ACTL8: variants seen among roughly 807,000 people sequenced by gnomAD.
The protein encoded by ACTL8 is actin-like protein 8.
ACTL8 carries 3 observed loss-of-function variants against 9.3 expected under a neutral mutation model. The observed-to-expected ratio is 0.32, with a 90% CI of 0.15 to 0.83. ACTL8 has a LOEUF of 0.83. Ranked by LOEUF, ACTL8 falls within the 40% of genes least tolerant of loss-of-function variation. The probability of loss-of-function intolerance (pLI) is 0.57; values close to 1 mark genes in which losing one functional copy is unlikely to be tolerated. For missense variants in ACTL8, 381 were observed against 492.2 expected, an observed-to-expected ratio of 0.77 and a Z score of 2.14; for synonymous variants, 224 against 205.9, an observed-to-expected ratio of 1.09 and a Z score of -0.75.
chr1:17,805,611 C>A (rs2066355233), intron 1 of ACTL8, among the ~76,000 whole-genome samples: 1 of 151,972 alleles, frequency 6.6e-6, no homozygotes, highest in African/African-American at 2.4e-5. Context: ...AAACTCCTGA[C>A]CTTGTGATCC....
intron 1 of ACTL8, among the ~76,000 whole-genome samples, chr1:17,771,623 C>G (rs139373626): frequency 6.2e-4 from 95 of 152,230 alleles, no homozygotes; most frequent in East Asian, 4.4e-3. Flanking sequence ...GGTGTGTCCT[C>G]CAGGCCCGAT....
At chr1:17,768,833 G>T (rs1215881426) in intron 1 of ACTL8, among the ~76,000 whole-genome samples, 3 of 152,180 alleles carry the variant, frequency 2.0e-5, no homozygotes, top group African/African-American at 7.2e-5. Context: ...GGAGCTGCAG[G>T]CTGAAGATGT....
chr1:17,825,574 G>GGC (rs1471571306), intron 2 of ACTL8, among the ~76,000 whole-genome samples, 193 bp from the exon 3 acceptor site: 3 of 152,120 alleles, frequency 2.0e-5, no homozygotes, highest in Non-Finnish European at 4.4e-5. Context: ...AGCTCCTGAG[G>GGC]GCAAACCCAG....
intron 1 of ACTL8, among the ~76,000 whole-genome samples, chr1:17,771,383 T>C (rs2066082261): frequency 1.3e-5 from 2 of 152,248 alleles, no homozygotes; most frequent in Non-Finnish European, 2.9e-5. Flanking sequence ...ATTTGGCCCG[T>C]GGGCCATAGT....
rs1570053727 is a variant in ACTL8 at position 17,826,588 on chromosome 1, G to A, written c.*69G>A. On this transcript the variant is annotated 3_prime_UTR_variant, in exon 3 of 3. Transcript: ENST00000375406. The surrounding 1 kb of genome is among the most constrained non-coding windows in gnomAD (Gnocchi z 4.5). ...ACGGGCGGATTAATTTTAGCAAAAT[G>A]TTCTGGGTGGGGGTAGAATGAGGTG... is the stretch of plus-strand genomic sequence containing the variant. 3.6e-6 allele frequency: 5 copies of A among 1,397,318 alleles called. No individual in the cohort carries two copies. Among genetic ancestry groups the A allele is most frequent in the Non-Finnish European group, 4.7e-6 (5 of 1,053,444 alleles). 86.6% of individuals were successfully genotyped at this position (1,397,318 alleles called of 1,614,324 possible).
intron 1 of ACTL8, among the ~76,000 whole-genome samples, chr1:17,793,036 C>T (rs1570020440): frequency 6.6e-6 from 1 of 152,288 alleles, no homozygotes; most frequent in Admixed American, 6.5e-5. Context: ...ACAGTTGGTC[C>T]CCTCCCATCC....
At chr1:17,762,190 G>T (rs1374862512) in intron 1 of ACTL8, among the ~76,000 whole-genome samples, 6 of 152,274 alleles carry the variant, frequency 3.9e-5, no homozygotes, top group African/African-American at 1.4e-4. Context: ...CCGGGACCCA[G>T]GGTGGAGACG....
At chr1:17,791,446 C>G (rs1357866257) in intron 1 of ACTL8, among the ~76,000 whole-genome samples, 1 of 152,194 alleles carries the variant, frequency 6.6e-6, no homozygotes, top group Non-Finnish European at 1.5e-5. Context: ...AGTGGAAGAT[C>G]CGGGATTTGA....
At position 17,802,424 on chromosome 1, in the gene ACTL8, C is replaced by CGTGTGTGTGT. The variant is rs72387933; in HGVS notation, c.-24-20542_-24-20533dup. Among the ~76,000 whole-genome samples, 830 of 146,686 alleles carry CGTGTGTGTGT rather than the reference C, an allele frequency of 5.7e-3. 7 individuals are homozygous for CGTGTGTGTGT. The highest frequency in any genetic ancestry group is 9.8e-3 in the African/African-American group (389 of 39,856). On this transcript the variant is annotated intron_variant, in intron 1 of 2. Transcript: ENST00000375406. ...AGCAGATCCCGGATGACTGTGCGTGCGTGTGTGTGTGTGTGTGTGTGTGTG... is the reference window on the plus strand; with the variant it reads ...AGCAGATCCCGGATGACTGTGCGTGCGTGTGTGTGTGTGTGTGTGTGTGTGTGTGTGTGTG...
intron 1 of ACTL8, among the ~76,000 whole-genome samples, chr1:17,763,271 G>A (rs566218399): frequency 1.3e-5 from 2 of 151,126 alleles, no homozygotes; most frequent in Non-Finnish European, 2.9e-5. Flanking sequence ...TGTGGGGGCT[G>A]TGTTGATGCA....
At position 17,826,617 on chromosome 1, in the gene ACTL8, T is replaced by TG. The variant is rs2053725697; in HGVS notation, c.*102dup. The TG allele has an allele frequency of 8.6e-7, 1 of 1,167,110 alleles. No homozygotes were observed. Among genetic ancestry groups the TG allele is most frequent in the Non-Finnish European group, 1.2e-6 (1 of 863,128 alleles). The allele number at this position is 1,167,110 out of a possible 1,614,324, so 72.3% of individuals were successfully genotyped here. A position where few individuals can be genotyped will look rare whatever the true frequency, so the allele number is the denominator to read the frequency against. ...TGGGTGGGGGTAGAATGAGGTGGGG[T>TG]GGGGTGAGCTGGCTTTGGAATTCTA... On this transcript the variant is annotated 3_prime_UTR_variant, in exon 3 of 3. Coordinates refer to ENST00000375406, the MANE Select transcript of ACTL8 (RefSeq NM_030812.3). This position sits in a 1 kb window ranked among gnomAD's most constrained non-coding sequence, Gnocchi z 4.5.
chr1:17,782,462 A>G (rs1025821524), intron 1 of ACTL8, among the ~76,000 whole-genome samples: 9 of 152,196 alleles, frequency 5.9e-5, no homozygotes, highest in African/African-American at 2.2e-4. Context: ...CAAAGGAGGA[A>G]AATCCCTTTA....
At chr1:17,793,603 A>G (rs556383057) in intron 1 of ACTL8, among the ~76,000 whole-genome samples, 2 of 152,094 alleles carry the variant, frequency 1.3e-5, no homozygotes, top group Non-Finnish European at 2.9e-5. Flanking sequence ...CCCTTCCCCT[A>G]CAGCTTTTCC....
chr1:17,777,503 G>A (rs571490830), intron 1 of ACTL8, among the ~76,000 whole-genome samples: 25 of 152,298 alleles, frequency 1.6e-4, no homozygotes, highest in Non-Finnish European at 3.2e-4. Context: ...GCCGGTGATA[G>A]CAGGTGTGAG....
rs1435324367 is a variant in ACTL8, at chr1:17,826,275, C to G, written c.857C>G (p.Ser286Cys). 5.0e-6 allele frequency: 8 copies of G among 1,611,240 alleles called. No homozygotes were observed. The highest frequency in any genetic ancestry group is 6.8e-6 in the Non-Finnish European group (8 of 1,177,930). Residue 286 changes from serine (S) to cysteine (C), a missense_variant, in exon 3 of 3, where the codon TCC (serine) becomes TGC (cysteine). Ser to Cys is a moderately radical substitution (Grantham distance 112). This residue lies in a region of ACTL8 where 243 missense variants were observed against 276.2 expected (regional missense o/e 0.88). Transcript: ENST00000375406. The surrounding 1 kb of genome is among the most constrained non-coding windows in gnomAD (Gnocchi z 4.5). ...IVESVESCEI[S>C]LRPLLVSHVM... The stretch of plus-strand genomic sequence containing the variant: ...GAATCCGTGGAGTCCTGCGAGATCT[C>G]CCTGCGCCCCCTGCTGGTCTCCCAC...
At chr1:17,783,310 A>C (rs2102684307) in intron 1 of ACTL8, among the ~76,000 whole-genome samples, 1 of 151,096 alleles carries the variant, frequency 6.6e-6, no homozygotes, top group South Asian at 2.1e-4. Flanking sequence ...AATTCTCATG[A>C]GATCTGATGG....
Position 17,826,171 on chromosome 1 carries a change from G to T in ACTL8, c.753G>T (p.Met251Ile). Residue 251 changes from methionine (M) to isoleucine (I), a missense_variant, in exon 3 of 3, where the codon ATG (methionine) becomes ATT (isoleucine). Physicochemically the swap from Met to Ile is conservative, Grantham distance 10. This residue lies in a region of ACTL8 where 243 missense variants were observed against 276.2 expected (regional missense o/e 0.88). Transcript: ENST00000375406. This position sits in a 1 kb window ranked among gnomAD's most constrained non-coding sequence, Gnocchi z 4.5. ...GCTCCCGCGTGGAGCTGACCCCCAT[G>T]CAGCGGGTGGCTCCTGAGATGTTCT... is the stretch of plus-strand genomic sequence containing the variant. ...PDGSRVELTP[M>I]QRVAPEMFFS... 6.2e-7 allele frequency: 1 copy of T among 1,613,040 alleles called. No individual in the cohort carries two copies.
Position 17,813,809 on chromosome 1 carries a change from T to G in ACTL8, c.-24-9176T>G, listed in dbSNP as rs546563325. ...CTATTTCTAATAGTTATATGGCTAT[T>G]TAAATATATATTTCTTCTTGATTGA... is the stretch of plus-strand genomic sequence containing the variant. On this transcript the variant is annotated intron_variant, in intron 1 of 2. Coordinates refer to ENST00000375406, the MANE Select transcript of ACTL8 (RefSeq NM_030812.3). Among the ~76,000 whole-genome samples the G allele has an allele frequency of 4.6e-5, 7 of 152,366 alleles. No homozygotes were observed. In the South Asian group the frequency reaches 1.4e-3, roughly 32 times the overall value.
At chr1:17,821,711 A>T (rs1343125335) in intron 1 of ACTL8, among the ~76,000 whole-genome samples, 1 of 151,904 alleles carries the variant, frequency 6.6e-6, no homozygotes, top group Non-Finnish European at 1.5e-5. Context: ...TCACTGCAAC[A>T]TCCGCCTCCC....
Sources: allele counts gnomAD v4.1 joint callset (sites outside exome capture counted in the v4.1 genomes callset), GRCh38; gene constraint gnomAD v4.1.1; regional missense constraint gnomAD v4.1.1; non-coding constraint Gnocchi (gnomAD v3.1); transcripts MANE v1.5; gene names NCBI Gene and HGNC (gene_info 2026-07-23, HGNC 2026-07-21).